MYO1B: variants seen among roughly 807,000 people sequenced by gnomAD.
The protein encoded by MYO1B is unconventional myosin-Ib.
In MYO1B, 72 loss-of-function variants were observed where a neutral mutation model predicts 159.7. That is an observed-to-expected ratio of 0.45 (90% CI 0.37 to 0.55). The LOEUF (loss-of-function observed/expected upper bound fraction) is 0.55. MYO1B is among the 20% of genes least tolerant of loss of function. The probability of loss-of-function intolerance (pLI) is 0.00; values close to 1 mark genes in which losing one functional copy is unlikely to be tolerated. For missense variants in MYO1B, 1,062 were observed against 1,364.8 expected (o/e 0.78, Z 3.50); for synonymous variants, 468 against 473.8 (o/e 0.99, Z 0.16).
At chr2:191,288,328 G>C (rs746756328) in intron 2 of MYO1B, among the ~76,000 whole-genome samples, 9 of 151,588 alleles carry the variant, frequency 5.9e-5, no homozygotes, top group Non-Finnish European at 1.3e-4. Flanking sequence ...GTCACTCTTT[G>C]GGGGGAACTT....
intron 26 of MYO1B, among the ~76,000 whole-genome samples, chr2:191,409,443 C>T (rs1392423852): frequency 6.6e-6 from 1 of 152,194 alleles, no homozygotes; most frequent in Non-Finnish European, 1.5e-5. Flanking sequence ...CAGGTTCCAG[C>T]TGCTCTCAAG....
At chr2:191,274,754 C>CT (rs1687648921) in intron 1 of MYO1B, among the ~76,000 whole-genome samples, 1 of 152,192 alleles carries the variant, frequency 6.6e-6, no homozygotes, top group Admixed American at 6.5e-5. Flanking sequence ...GCTTCACCGT[C>CT]TCTGTGGCTC....
At chr2:191,282,104 C>T (rs1366802173) in intron 2 of MYO1B, among the ~76,000 whole-genome samples, 1 of 152,134 alleles carries the variant, frequency 6.6e-6, no homozygotes, top group African/African-American at 2.4e-5. Flanking sequence ...GTTTCAAAAC[C>T]ACTTTTCATT....
In MYO1B at chr2:191,289,298, G is replaced by A. The variant is rs561219234; in HGVS notation, c.136-6813G>A. Among the ~76,000 whole-genome samples the A allele has an allele frequency of 7.9e-5, 12 of 152,252 alleles. No homozygotes were observed. The South Asian group carries it at 2.1e-3, about 26-fold the overall frequency. ...CCAAAGCTTCCCAGGCCTAACAGAC[G>A]GCATGGATTGTATGCTCTAATGAAA... is the stretch of plus-strand genomic sequence containing the variant. On this transcript the variant is annotated intron_variant, in intron 2 of 30. Coordinates refer to ENST00000392318, the MANE Select transcript of MYO1B (RefSeq NM_001130158.3).
chr2:191,419,740 AG>A (rs1444331709), intron 30 of MYO1B, among the ~76,000 whole-genome samples: 14 of 152,170 alleles, frequency 9.2e-5, no homozygotes, highest in Non-Finnish European at 2.1e-4. Flanking sequence ...GTGTAGGCCT[AG>A]GCTAATATGT....
At chr2:191,356,503 C>T (rs1693299363) in intron 7 of MYO1B, among the ~76,000 whole-genome samples, 1 of 152,070 alleles carries the variant, frequency 6.6e-6, no homozygotes, top group African/African-American at 2.4e-5. Flanking sequence ...AAAGTAGATG[C>T]TTTCTCTTTA....
In MYO1B at chr2:191,263,248, CCTT is replaced by C. The variant is rs920307680; in HGVS notation, c.-9-13635_-9-13633del. ...GCCACAGGATATTGACCTACTTTCC[CCTT>C]CTTATCTGCTTGCAAAATATTTGTT... On this transcript the variant is annotated intron_variant, in intron 1 of 30. Transcript: ENST00000392318. 4.7e-5 allele frequency: 41 copies of C among 872,770 alleles called. No homozygotes were observed. In the Middle Eastern group the frequency reaches 2.9e-3, roughly 63 times the overall value. 54.1% of individuals were successfully genotyped at this position (872,770 alleles called of 1,614,324 possible).
intron 1 of MYO1B, among the ~76,000 whole-genome samples, chr2:191,272,634 C>T (rs1231054598): frequency 1.4e-4 from 22 of 152,182 alleles, no homozygotes; most frequent in Admixed American, 1.4e-3. Flanking sequence ...CCTCTCTGGC[C>T]TTTCAGACAG....
intron 30 of MYO1B, among the ~76,000 whole-genome samples, chr2:191,423,625 T>TA (rs1197894402): frequency 6.6e-6 from 1 of 152,210 alleles, no homozygotes; most frequent in East Asian, 1.9e-4. Context: ...GTTTCAGTCT[T>TA]AATCTGAAAT....
chr2:191,249,244 G>T (rs1685971172), intron 1 of MYO1B, among the ~76,000 whole-genome samples: 1 of 152,184 alleles, frequency 6.6e-6, no homozygotes, highest in African/African-American at 2.4e-5. Context: ...AAGGAGGGAA[G>T]GAATGTGCTT....
In MYO1B at chr2:191,408,326, C is replaced by T. The variant is rs1048972259; in HGVS notation, c.2631+137C>T. ...TAATAATTAAATCATAGCTGTGACA[C>T]TGAGAGTTAGTTATCTTTTAAAATC... On this transcript the variant is annotated intron_variant, in intron 25 of 30. Transcript: ENST00000392318. 25 of 599,246 alleles carry T rather than the reference C, an allele frequency of 4.2e-5. No individual in the cohort carries two copies. In the Middle Eastern group the frequency reaches 9.8e-4, roughly 24 times the overall value. 37.1% of individuals were successfully genotyped at this position (599,246 alleles called of 1,614,324 possible).
At chr2:191,342,799 G>A (rs1425026203) in intron 5 of MYO1B, among the ~76,000 whole-genome samples, 1 of 151,958 alleles carries the variant, frequency 6.6e-6, no homozygotes, top group Non-Finnish European at 1.5e-5. Flanking sequence ...GTGAGCCAAG[G>A]TCACACCACT....
rs746991501 is a variant in MYO1B at position 191,363,883 on chromosome 2, C to T, written c.913+8C>T. On this transcript the variant is annotated splice_region_variant and intron_variant, in intron 10 of 30. Transcript: ENST00000392318. ...AAATCAAAGATAAAAATGGTACATC[C>T]GTGGAGAATCAACTTTGTTTGTTTA... 3.4e-5 allele frequency: 55 copies of T among 1,611,722 alleles called. No individual in the cohort carries two copies. Among genetic ancestry groups the T allele is most frequent in the South Asian group, 2.3e-4 (21 of 90,712 alleles).
chr2:191,397,700 C>T (rs2126121868), intron 21 of MYO1B, among the ~76,000 whole-genome samples: 1 of 145,872 alleles, frequency 6.9e-6, no homozygotes, highest in East Asian at 2.2e-4. Flanking sequence ...CCCCAATGAG[C>T]CGCTGGGCAC....
chr2:191,326,810 GTGTGT>G (rs1691119124), intron 3 of MYO1B, among the ~76,000 whole-genome samples: 2 of 148,578 alleles, frequency 1.3e-5, no homozygotes, highest in Non-Finnish European at 3.0e-5. Flanking sequence ...GTGTGTGTGT[GTGTGT>G]GCGCGCGCCA....
At chr2:191,257,424 CAG>C in intron 1 of MYO1B, among the ~76,000 whole-genome samples, 1 of 152,246 alleles carries the variant, frequency 6.6e-6, no homozygotes, top group East Asian at 1.9e-4. Context: ...TGGTATATGT[CAG>C]AATTTTTGAA....
chr2:191,361,242 G>A (rs1693652598), intron 8 of MYO1B, among the ~76,000 whole-genome samples: 1 of 152,138 alleles, frequency 6.6e-6, no homozygotes, highest in Non-Finnish European at 1.5e-5. Flanking sequence ...AAATAAAATG[G>A]AAGAATATGA....
At chr2:191,283,696 C>CA (rs1217481826) in intron 2 of MYO1B, among the ~76,000 whole-genome samples, 2 of 152,168 alleles carry the variant, frequency 1.3e-5, no homozygotes, top group African/African-American at 4.8e-5. Context: ...AGCTGAAACT[C>CA]ACACCCAGGA....
intron 2 of MYO1B, among the ~76,000 whole-genome samples, chr2:191,284,353 G>A (rs1688240719): frequency 6.6e-6 from 1 of 152,144 alleles, no homozygotes; most frequent in African/African-American, 2.4e-5. Context: ...AGGAGTGGAG[G>A]GTGAAATGAC....
Sources: gnomAD v4.1 joint callset for allele counts (sites outside exome capture counted in the v4.1 genomes callset) on GRCh38, gnomAD v4.1.1 for gene constraint, MANE v1.5 for transcripts, NCBI Gene and HGNC (gene_info 2026-07-23, HGNC 2026-07-21) for gene names.